Variants in GALNT5 observed in about 807,000 individuals in gnomAD.
GALNT5 encodes polypeptide N-acetylgalactosaminyltransferase 5, also known as UDP-GalNAc:polypeptide N-acetylgalactosaminyltransferase 5.
GALNT5 carries 72 observed loss-of-function variants against 85.4 expected under a neutral mutation model. That is an observed-to-expected ratio of 0.84 (90% CI 0.70 to 1.03). The LOEUF (loss-of-function observed/expected upper bound fraction) is 1.03, where lower values mean the gene tolerates loss of function less well. Ranked by LOEUF, GALNT5 falls within the 50% of genes least tolerant of loss-of-function variation. GALNT5 has a pLI of 0.00. For synonymous variants in GALNT5, 404 were observed against 397.0 expected (o/e 1.02, Z -0.21); for missense variants, 1,137 against 1,135.5 (o/e 1.00, Z -0.02).
intron 1 of GALNT5, among the ~76,000 whole-genome samples, 195 bp from the exon 2 acceptor site, chr2:157,284,087 C>A (rs1682913643): frequency 6.6e-6 from 1 of 151,678 alleles, no homozygotes; most frequent in Non-Finnish European, 1.5e-5. Context: ...TTGCATGTAC[C>A]CCTCCCCAAA....
rs1683755110 is a variant in GALNT5, at chr2:157,317,969, T to C, written c.*6621T>C. Among the ~76,000 whole-genome samples, 1 of 152,172 alleles carries C rather than the reference T, an allele frequency of 6.6e-6. No homozygotes were observed. The highest frequency in any genetic ancestry group is 2.4e-5 in the African/African-American group (1 of 41,450). ...AGGGGTTATCAGAAACCCATATTCA[T>C]TGTGGTATGTTTCTGTCTGATACTT... is the stretch of plus-strand genomic sequence containing the variant. On this transcript the variant is annotated 3_prime_UTR_variant, in exon 10 of 10. Coordinates refer to ENST00000259056, the MANE Select transcript of GALNT5 (RefSeq NM_014568.3).
chr2:157,307,155 G>A (rs4664225), intron 8 of GALNT5, among the ~76,000 whole-genome samples: 3,493 of 152,142 alleles, frequency 0.023, 160 homozygotes, highest in East Asian at 0.17. Context: ...AATTATGCAG[G>A]CTTCGACTTC....
rs532165805 is a variant in GALNT5 at position 157,316,293 on chromosome 2, G to A, written c.*4945G>A. Among the ~76,000 whole-genome samples the A allele has an allele frequency of 4.3e-4, 65 of 151,922 alleles. No individual in the cohort carries two copies. Among genetic ancestry groups the A allele is most frequent in the African/African-American group, 1.5e-3 (61 of 41,426 alleles). On this transcript the variant is annotated 3_prime_UTR_variant, in exon 10 of 10. Transcript: ENST00000259056. ...AACTTGACTTTTCAGGCTGCTTTTTGTTAGAAAATAAGTGGCTTGGGGGCT... is the reference window on the plus strand; with the variant it reads ...AACTTGACTTTTCAGGCTGCTTTTTATTAGAAAATAAGTGGCTTGGGGGCT...
At position 157,258,055 on chromosome 2, in the gene GALNT5, G is replaced by A; in HGVS notation, c.-28G>A. 1 of 1,608,942 alleles carries A rather than the reference G, an allele frequency of 6.2e-7. No individual in the cohort carries two copies. Among genetic ancestry groups the A allele is most frequent in the Non-Finnish European group, 8.5e-7 (1 of 1,179,594 alleles). ...ACTCAAGGTAAGCAGGCTAAGGGAG[G>A]GCAGGCTGCTAGGGAAAGCTTTGTA... On this transcript the variant is annotated 5_prime_UTR_variant, in exon 1 of 10. Coordinates refer to ENST00000259056, the MANE Select transcript of GALNT5 (RefSeq NM_014568.3).
In GALNT5 at chr2:157,317,548, C is replaced by T. The variant is rs1048826539; in HGVS notation, c.*6200C>T. ...AGTAAGTGAATTGTGTTAAAGATTG[C>T]CTGAAAACATTTGCTAAGGGGAGAA... On this transcript the variant is annotated 3_prime_UTR_variant, in exon 10 of 10. Transcript: ENST00000259056. 1.3e-5 allele frequency among the ~76,000 whole-genome samples: 2 copies of T among 151,978 alleles called. No individual in the cohort carries two copies. The highest frequency in any genetic ancestry group is 2.9e-5 in the Non-Finnish European group (2 of 67,970).
intron 4 of GALNT5, among the ~76,000 whole-genome samples, chr2:157,296,137 G>A (rs1377643854): frequency 1.3e-5 from 1 of 77,780 alleles, no homozygotes; most frequent in Admixed American, 1.5e-4. Flanking sequence ...CTTTTAAGTT[G>A]CTCTTGTATT....
At position 157,318,037 on chromosome 2, in the gene GALNT5, C is replaced by T. The variant is rs1011347481; in HGVS notation, c.*6689C>T. On this transcript the variant is annotated 3_prime_UTR_variant, in exon 10 of 10. Transcript: ENST00000259056. ...GTTTTTGACATTGCATTTTACAATC[C>T]TATTGTTTTTTAGAGTGATGAAAGT... 6.6e-6 allele frequency among the ~76,000 whole-genome samples: 1 copy of T among 152,012 alleles called. No homozygotes were observed. Among genetic ancestry groups the T allele is most frequent in the Non-Finnish European group, 1.5e-5 (1 of 67,990 alleles).
At chr2:157,273,185 T>C (rs914710934) in intron 1 of GALNT5, among the ~76,000 whole-genome samples, 2 of 152,206 alleles carry the variant, frequency 1.3e-5, no homozygotes, top group South Asian at 4.1e-4. Context: ...TGGTCTTTAA[T>C]GGTCATCACA....
rs2105177223 is a variant in GALNT5, at chr2:157,314,227, A to G, written c.*2879A>G. The G allele has an allele frequency of 6.6e-6, 1 of 152,020 alleles. No individual in the cohort carries two copies. 9.4% of individuals were successfully genotyped at this position (152,020 alleles called of 1,614,324 possible). ...CCTTTACTTTAAAAAAAAAAAAAAA[A>G]AGTCTATGCATCTTGTTACCTTGAA... is the stretch of plus-strand genomic sequence containing the variant. On this transcript the variant is annotated 3_prime_UTR_variant, in exon 10 of 10. Transcript: ENST00000259056.
intron 8 of GALNT5, among the ~76,000 whole-genome samples, chr2:157,307,010 A>ATT (rs11306025): frequency 1.3e-5 from 2 of 149,420 alleles, no homozygotes; most frequent in African/African-American, 4.9e-5. Context: ...TAAATAATGC[A>ATT]TTTTTTTTTT....
At chr2:157,265,653 T>C (rs182728757) in intron 1 of GALNT5, among the ~76,000 whole-genome samples, 14 of 152,350 alleles carry the variant, frequency 9.2e-5, no homozygotes, top group Admixed American at 7.8e-4. Flanking sequence ...ATTGCCCTGG[T>C]ACTCTTGGCC....
At chr2:157,271,049 G>A (rs959788453) in intron 1 of GALNT5, among the ~76,000 whole-genome samples, 1 of 151,870 alleles carries the variant, frequency 6.6e-6, no homozygotes, top group Non-Finnish European at 1.5e-5. Context: ...CCGGGAGGCG[G>A]AGCCTGCAGT....
intron 3 of GALNT5, among the ~76,000 whole-genome samples, chr2:157,287,315 T>A (rs1365275234): frequency 6.6e-6 from 1 of 152,174 alleles, no homozygotes; most frequent in African/African-American, 2.4e-5. Context: ...GAAAATTTGC[T>A]TTTCTATAAT....
intron 1 of GALNT5, among the ~76,000 whole-genome samples, chr2:157,271,848 A>G (rs989402499): frequency 1.3e-5 from 2 of 152,210 alleles, no homozygotes; most frequent in Non-Finnish European, 2.9e-5. Context: ...AACTATGAAG[A>G]TATTATCACA....
chr2:157,308,665 T>G lies in GALNT5; in HGVS notation c.2619T>G (p.Cys873Trp). 6.2e-7 allele frequency: 1 copy of G among 1,613,784 alleles called. No homozygotes were observed. Among genetic ancestry groups the G allele is most frequent in the Non-Finnish European group, 8.5e-7 (1 of 1,179,722 alleles). Residue 873 changes from cysteine to tryptophan, a missense_variant, in exon 9 of 10, where the codon TGT becomes TGG. Coordinates refer to ENST00000259056, the MANE Select transcript of GALNT5 (RefSeq NM_014568.3). ...PDKGAVRLHP[C>W]DNRNKGLKWL... is the part of the protein sequence containing the mutation. ...AAGGAGCCGTAAGGCTGCACCCTTG[T>G]GATAACAGAAACAAAGGGCTAAAAT...
chr2:157,301,288 G>A (rs536471182), intron 7 of GALNT5, among the ~76,000 whole-genome samples: 1 of 152,300 alleles, frequency 6.6e-6, no homozygotes, highest in East Asian at 1.9e-4. Flanking sequence ...TTCCTTCCTT[G>A]TGGAGCTTAA....
chr2:157,295,296 G>C (rs2105155898), intron 3 of GALNT5, among the ~76,000 whole-genome samples: 1 of 152,168 alleles, frequency 6.6e-6, no homozygotes, highest in South Asian at 2.1e-4. Context: ...ATCTCAGTCT[G>C]TCTGCTTCTT....
Position 157,292,449 on chromosome 2 carries a change from T to C in GALNT5, c.1742-3214T>C, listed in dbSNP as rs140849860. On this transcript the variant is annotated intron_variant, in intron 3 of 9. Transcript: ENST00000259056. ...TCCTCTTCCCCAAAATAAAACAATA[T>C]AAAATTCCAGACTATGTTTTGAGCA... Among the ~76,000 whole-genome samples, 223 of 152,276 alleles carry C rather than the reference T, an allele frequency of 1.5e-3. 1 individual carries two copies. The highest frequency in any genetic ancestry group is 5.1e-3 in the African/African-American group (211 of 41,578).
At chr2:157,305,901 G>T in intron 8 of GALNT5, 72 bp downstream of exon 8, 1 of 821,964 alleles carries the variant, frequency 1.2e-6, no homozygotes, top group Non-Finnish European at 2.0e-6. Context: ...GCTCAACTGA[G>T]AAATTCATCT....
Sources: allele counts gnomAD v4.1 joint callset (sites outside exome capture counted in the v4.1 genomes callset), GRCh38; gene constraint gnomAD v4.1.1; transcripts MANE v1.5; gene names NCBI Gene and HGNC (gene_info 2026-07-23, HGNC 2026-07-21).